The following GALNT15 variants were observed in gnomAD, a reference collection of about 807,000 sequenced individuals.
GALNT15 encodes the protein UDP-GalNAc transferase T15.
Under a neutral mutation model 66.8 loss-of-function variants are expected in GALNT15, and 67 were observed. The observed-to-expected ratio is 1.00, with a 90% CI of 0.82 to 1.23. GALNT15 has a LOEUF of 1.23. Ranked by LOEUF, GALNT15 falls within the 50% of genes most tolerant of loss-of-function variation. The pLI, the probability that GALNT15 is intolerant of heterozygous loss-of-function variation, is 0.00. For synonymous variants in GALNT15, 313 were observed against 311.5 expected (o/e 1.00, Z -0.05); for missense variants, 827 against 804.3 (o/e 1.03, Z -0.34).
At chr3:16,190,434 C>T (rs959613144) in intron 1 of GALNT15, among the ~76,000 whole-genome samples, 3 of 152,092 alleles carry the variant, frequency 2.0e-5, no homozygotes, top group Non-Finnish European at 4.4e-5. Context: ...GTCAGGAGAT[C>T]GAGACCATCC....
chr3:16,219,146 G>A lies in GALNT15; in HGVS notation c.1393-257G>A, dbSNP rs559433324. Among the ~76,000 whole-genome samples, 32 of 152,258 alleles carry A rather than the reference G, an allele frequency of 2.1e-4. No individual in the cohort carries two copies. The highest frequency in any genetic ancestry group is 1.6e-3 in the Admixed American group (25 of 15,294). On this transcript the variant is annotated intron_variant, in intron 6 of 9. Coordinates refer to ENST00000339732, the MANE Select transcript of GALNT15 (RefSeq NM_054110.5). This position sits in a 1 kb window ranked among gnomAD's most constrained non-coding sequence, Gnocchi z 4.3. ...TTATAGACTGGAGATTTGAGGGATT[G>A]TGGGAAGGGGCTGATATCACTTACA...
At chr3:16,177,789 T>C (rs1024519318) in intron 1 of GALNT15, among the ~76,000 whole-genome samples, 5 of 152,246 alleles carry the variant, frequency 3.3e-5, no homozygotes, top group Non-Finnish European at 5.9e-5. Flanking sequence ...TTGTGTATGA[T>C]GTGCTTCTGT....
chr3:16,244,447 A>G, the GALNT15 span, among the ~76,000 whole-genome samples: 1 of 152,254 alleles, frequency 6.6e-6, no homozygotes, highest in African/African-American at 2.4e-5. Flanking sequence ...TTCTGAACTT[A>G]GAGAGCAACA....
rs180798593 is a variant in GALNT15 at position 16,225,533 on chromosome 3, A to G, written c.1774-1821A>G. ...AATATGGTGAAACCCCGTTTCTACT[A>G]AAAACACAAAAACTAGCCAGGTGTG... On this transcript the variant is annotated intron_variant, in intron 9 of 9. Transcript: ENST00000339732. This position sits in a 1 kb window ranked among gnomAD's most constrained non-coding sequence, Gnocchi z 4.4. Among the ~76,000 whole-genome samples, 1 of 151,148 alleles carries G rather than the reference A, an allele frequency of 6.6e-6. No homozygotes were observed. Among genetic ancestry groups the G allele is most frequent in the African/African-American group, 2.4e-5 (1 of 41,106 alleles).
Position 16,222,709 on chromosome 3 carries a change from G to T in GALNT15, c.1724G>T (p.Cys575Phe). The T allele has an allele frequency of 6.2e-7, 1 of 1,614,230 alleles. No individual in the cohort carries two copies. The highest frequency in any genetic ancestry group is 1.1e-5 in the South Asian group (1 of 91,082). The change falls in exon 9 of 10, where the codon TGC (cysteine) becomes TTC (phenylalanine). Residue 575 changes from cysteine (C) to phenylalanine (F), a missense_variant. Physicochemically the swap from Cys to Phe is radical, Grantham distance 205 (BLOSUM62 -2). Coordinates refer to ENST00000339732, the MANE Select transcript of GALNT15 (RefSeq NM_054110.5). ...CAGGAGCAGGTGATTCTTCAGAACT[G>T]CACGGAGGAAGGCCTGGCCATCCAC... ...VRQEQVILQN[C>F]TEEGLAIHQQ... is the part of the protein sequence containing the mutation.
chr3:16,201,444 G>C (rs572482214), intron 3 of GALNT15, among the ~76,000 whole-genome samples: 2 of 152,278 alleles, frequency 1.3e-5, no homozygotes, highest in Admixed American at 6.5e-5. Context: ...GCCTCCCAAA[G>C]TGCTGGGATT....
At position 16,229,073 on chromosome 3, in the gene GALNT15, G is replaced by A. The variant is rs1398378147; in HGVS notation, c.*1573G>A. ...GATGGAGTTACCTACCTTTCCACATGGTCAGCTTAGAAATCTTCCCCTAAA... is the reference window on the plus strand; with the variant it reads ...GATGGAGTTACCTACCTTTCCACATAGTCAGCTTAGAAATCTTCCCCTAAA... On this transcript the variant is annotated 3_prime_UTR_variant, in exon 10 of 10. Coordinates refer to ENST00000339732, the MANE Select transcript of GALNT15 (RefSeq NM_054110.5). 4.1e-6 allele frequency: 4 copies of A among 985,282 alleles called. No homozygotes were observed. Among genetic ancestry groups the A allele is most frequent in the Non-Finnish European group, 3.6e-6 (3 of 829,930 alleles). 61.0% of individuals were successfully genotyped at this position (985,282 alleles called of 1,614,324 possible).
Position 16,182,341 on chromosome 3 carries a change from A to G in GALNT15, c.539+6651A>G, listed in dbSNP as rs2063479833. Among the ~76,000 whole-genome samples the G allele has an allele frequency of 6.6e-6, 1 of 152,230 alleles. No individual in the cohort carries two copies. Among genetic ancestry groups the G allele is most frequent in the Non-Finnish European group, 1.5e-5 (1 of 68,044 alleles). On this transcript the variant is annotated intron_variant, in intron 1 of 9. Transcript: ENST00000339732. This position sits in a 1 kb window ranked among gnomAD's most constrained non-coding sequence, Gnocchi z 6.1. ...CAATGAGTCGTCATGTCAAGGCTCCAAAGCAGACCAAGTAAATGTGATTCA... is the reference window on the plus strand; with the variant it reads ...CAATGAGTCGTCATGTCAAGGCTCCGAAGCAGACCAAGTAAATGTGATTCA...
rs2063828472 is a variant in GALNT15, at chr3:16,212,596, A to C, written c.1225A>C (p.Ile409Leu). 1.2e-5 allele frequency: 19 copies of C among 1,613,726 alleles called. No individual in the cohort carries two copies. The highest frequency in any genetic ancestry group is 1.6e-5 in the Non-Finnish European group (19 of 1,179,906). The part of the protein sequence containing the change: ...KAWLCGGSVE[I>L]LPCSRVGHIY... Reference sequence around the variant, plus strand: ...CTGGCTCTGTGGTGGCTCTGTTGAAATCCTTCCCTGCTCTCGGGTAGGACA... The same window carrying C: ...CTGGCTCTGTGGTGGCTCTGTTGAACTCCTTCCCTGCTCTCGGGTAGGACA... Residue 409 changes from isoleucine to leucine, a missense_variant, in exon 6 of 10, where the codon ATC (isoleucine) becomes CTC (leucine). Transcript: ENST00000339732.
At chr3:16,221,889 T>A (rs755699824) in intron 8 of GALNT15, among the ~76,000 whole-genome samples, 14 of 152,156 alleles carry the variant, frequency 9.2e-5, no homozygotes, top group Non-Finnish European at 1.3e-4. Flanking sequence ...AGTCTTTAAT[T>A]TGACAATTAT....
At position 16,229,428 on chromosome 3, in the gene GALNT15, G is replaced by T; in HGVS notation, c.*1928G>T. The stretch of plus-strand genomic sequence containing the variant: ...TAGGGTCTACTTCTACTGTATTGGC[G>T]AGCATGGATATAGAACATTTCATCA... On this transcript the variant is annotated 3_prime_UTR_variant, in exon 10 of 10. Coordinates refer to ENST00000339732, the MANE Select transcript of GALNT15 (RefSeq NM_054110.5). The T allele has an allele frequency of 1.1e-6, 1 of 924,612 alleles. No homozygotes were observed. Among genetic ancestry groups the T allele is most frequent in the African/African-American group, 1.8e-5 (1 of 56,020 alleles). The allele number at this position is 924,612 out of a possible 1,614,324, so 57.3% of individuals were successfully genotyped here.
intron 1 of GALNT15, among the ~76,000 whole-genome samples, chr3:16,178,904 G>A (rs1414838443): frequency 6.6e-6 from 1 of 152,120 alleles, no homozygotes; most frequent in Non-Finnish European, 1.5e-5. Context: ...TTCCATCCTT[G>A]ACTCCTAAGC....
chr3:16,241,913 G>T, the GALNT15 span, among the ~76,000 whole-genome samples: 1 of 152,162 alleles, frequency 6.6e-6, no homozygotes, highest in Non-Finnish European at 1.5e-5. This position sits in a 1 kb window ranked among gnomAD's most constrained non-coding sequence, Gnocchi z 4.6. Flanking sequence ...GCTCTAACTG[G>T]TGTCACTTGG....
chr3:16,228,922 C>G lies in GALNT15; in HGVS notation c.*1422C>G. Reference sequence around the variant, plus strand: ...AGAACACGGCTCATCTGGAGCACAGCTGAGGCTAGTAAGAGCTAAATGACT... The same window carrying G: ...AGAACACGGCTCATCTGGAGCACAGGTGAGGCTAGTAAGAGCTAAATGACT... On this transcript the variant is annotated 3_prime_UTR_variant, in exon 10 of 10. Coordinates refer to ENST00000339732, the MANE Select transcript of GALNT15 (RefSeq NM_054110.5). The G allele has an allele frequency of 1.0e-6, 1 of 985,444 alleles. No individual in the cohort carries two copies. Among genetic ancestry groups the G allele is most frequent in the Non-Finnish European group, 1.2e-6 (1 of 829,954 alleles). 61.0% of individuals were successfully genotyped at this position (985,444 alleles called of 1,614,324 possible). A position where few individuals can be genotyped will look rare whatever the true frequency, so the allele number is the denominator to read the frequency against.
chr3:16,203,946 G>C lies in GALNT15; in HGVS notation c.911+3123G>C, dbSNP rs1316498639. Among the ~76,000 whole-genome samples, 4 of 152,086 alleles carry C rather than the reference G, an allele frequency of 2.6e-5. No individual in the cohort carries two copies. The highest frequency in any genetic ancestry group is 9.7e-5 in the African/African-American group (4 of 41,390). ...CATTTGGTGCAGCTCCTCACATGGA[G>C]AGGAGAGGGGGCCCAGCTGTCTCCA... On this transcript the variant is annotated intron_variant, in intron 3 of 9. Transcript: ENST00000339732. The surrounding 1 kb of genome is among the most constrained non-coding windows in gnomAD (Gnocchi z 6.2).
the GALNT15 span, among the ~76,000 whole-genome samples, chr3:16,241,076 C>T: frequency 1.5e-4 from 23 of 152,156 alleles, no homozygotes; most frequent in East Asian, 7.7e-4. The surrounding 1 kb of genome is among the most constrained non-coding windows in gnomAD (Gnocchi z 4.6). Flanking sequence ...GGGTCTTCCT[C>T]GAACCCCCGG....
Position 16,227,449 on chromosome 3 carries a change from A to G in GALNT15, c.1869A>G (p.Lys623=). 1 of 1,614,204 alleles carries G rather than the reference A, an allele frequency of 6.2e-7. No homozygotes were observed. Among genetic ancestry groups the G allele is most frequent in the Non-Finnish European group, 8.5e-7 (1 of 1,180,024 alleles). ...TGTACCTGCGTCCGTGTGATGGAAA[A>G]GCCCGCCAGCAGTGGCGTTTTGACC... ...KDLYLRPCDG[K]ARQQWRFDQI... The change falls in exon 10 of 10, where the codon AAA becomes AAG. Residue 623 remains lysine (K), a synonymous_variant. Coordinates refer to ENST00000339732, the MANE Select transcript of GALNT15 (RefSeq NM_054110.5). This position sits in a 1 kb window ranked among gnomAD's most constrained non-coding sequence, Gnocchi z 4.5.
Position 16,228,376 on chromosome 3 carries a change from C to T in GALNT15, c.*876C>T, listed in dbSNP as rs2064045406. On this transcript the variant is annotated 3_prime_UTR_variant, in exon 10 of 10. Transcript: ENST00000339732. ...AACTCTCCTGCCGGGCGCGGTGGCTCATGCCTGTAATTCCAGCACTTTGGG... is the reference window on the plus strand; with the variant it reads ...AACTCTCCTGCCGGGCGCGGTGGCTTATGCCTGTAATTCCAGCACTTTGGG... 6.1e-6 allele frequency: 6 copies of T among 980,932 alleles called. No individual in the cohort carries two copies. The South Asian group carries it at 1.4e-4, about 23-fold the overall frequency. The allele number at this position is 980,932 out of a possible 1,614,324, so 60.8% of individuals were successfully genotyped here.
chr3:16,227,318 A>T lies in GALNT15; in HGVS notation c.1774-36A>T. 1 of 1,594,570 alleles carries T rather than the reference A, an allele frequency of 6.3e-7. No homozygotes were observed. Among genetic ancestry groups the T allele is most frequent in the South Asian group, 1.1e-5 (1 of 87,248 alleles). ...TTCTTTTGCTGACTGATTGTGGGGG[A>T]CTGGTTTTCTTTTCTTTTTTCCTTT... is the stretch of plus-strand genomic sequence containing the variant. On this transcript the variant is annotated intron_variant, in intron 9 of 9. Coordinates refer to ENST00000339732, the MANE Select transcript of GALNT15 (RefSeq NM_054110.5). This position sits in a 1 kb window ranked among gnomAD's most constrained non-coding sequence, Gnocchi z 4.5.
Sources: gnomAD v4.1 joint callset for allele counts (sites outside exome capture counted in the v4.1 genomes callset) on GRCh38, gnomAD v4.1.1 for gene constraint, Gnocchi (gnomAD v3.1) non-coding constraint, MANE v1.5 for transcripts, NCBI Gene and HGNC (gene_info 2026-07-23, HGNC 2026-07-21) for gene names.